The following LDLRAD4 variants were observed in gnomAD, a reference collection of about 807,000 sequenced individuals.
LDLRAD4 encodes the protein low density lipoprotein receptor class A domain containing 4.
A neutral mutation model predicts 17.0 loss-of-function variants in LDLRAD4; 5 were observed. The observed-to-expected ratio is 0.29, with a 90% CI of 0.15 to 0.62. LDLRAD4 has a LOEUF of 0.62. LDLRAD4 is among the 20% of genes least tolerant of loss of function. The probability of loss-of-function intolerance (pLI) is 0.84; values close to 1 mark genes in which losing one functional copy is unlikely to be tolerated. For synonymous variants in LDLRAD4, 168 were observed against 171.8 expected (o/e 0.98, Z 0.17); for missense variants, 340 against 424.7 (o/e 0.80, Z 1.75).
At chr18:13,381,371 G>C (rs1252478981) in intron 1 of LDLRAD4, among the ~76,000 whole-genome samples, 1 of 152,150 alleles carries the variant, frequency 6.6e-6, no homozygotes, top group Admixed American at 6.5e-5. Context: ...CCCGCCCACT[G>C]TATCCTTTTT....
At chr18:13,592,195 A>G (rs1272292287) in intron 3 of LDLRAD4, among the ~76,000 whole-genome samples, 2 of 152,234 alleles carry the variant, frequency 1.3e-5, no homozygotes, top group Non-Finnish European at 2.9e-5. Context: ...ATAGCTGGTT[A>G]CTTTTTCAAC....
intron 3 of LDLRAD4, among the ~76,000 whole-genome samples, chr18:13,446,332 G>T (rs1312695199): frequency 6.6e-6 from 1 of 152,166 alleles, no homozygotes; most frequent in South Asian, 2.1e-4. Context: ...TATTTTTCCA[G>T]TAAGATAGGG....
chr18:13,431,507 C>G (rs1343390819), intron 2 of LDLRAD4, among the ~76,000 whole-genome samples: 1 of 152,148 alleles, frequency 6.6e-6, no homozygotes, highest in Non-Finnish European at 1.5e-5. Context: ...GTGATTTGTT[C>G]AAGCTGCTCT....
At chr18:13,403,312 G>A (rs1163315124) in intron 2 of LDLRAD4, among the ~76,000 whole-genome samples, 4 of 152,178 alleles carry the variant, frequency 2.6e-5, no homozygotes, top group Non-Finnish European at 5.9e-5. Context: ...CTGTTCTTTT[G>A]TGGTGAATAA....
intron 1 of LDLRAD4, among the ~76,000 whole-genome samples, chr18:13,369,730 A>G (rs1239941136): frequency 6.6e-6 from 1 of 152,194 alleles, no homozygotes; most frequent in Non-Finnish European, 1.5e-5. Context: ...CTGAGTAAAT[A>G]TTGAGAGTGA....
chr18:13,588,085 A>G (rs981867668), intron 3 of LDLRAD4, among the ~76,000 whole-genome samples: 7 of 147,366 alleles, frequency 4.8e-5, no homozygotes, highest in African/African-American at 8.0e-5. Context: ...TCATATCGGG[A>G]AAAAAAAACC....
At chr18:13,222,758 C>G (rs559631796) in intron 1 of LDLRAD4, among the ~76,000 whole-genome samples, 1 of 152,218 alleles carries the variant, frequency 6.6e-6, no homozygotes, top group Non-Finnish European at 1.5e-5. Flanking sequence ...TAGGCTGCTC[C>G]GCCTCCTCCC....
chr18:13,437,282 G>A (rs568906355), intron 2 of LDLRAD4, among the ~76,000 whole-genome samples: 7 of 152,212 alleles, frequency 4.6e-5, no homozygotes, highest in African/African-American at 1.2e-4. Context: ...CTGTCTTCCC[G>A]CTGTGTACTG....
chr18:13,334,345 T>C (rs1840266), intron 1 of LDLRAD4, among the ~76,000 whole-genome samples: 146,033 of 152,244 alleles, frequency 0.96, 70,309 homozygotes, highest in Non-Finnish European at 1. Context: ...TCAAGAGATT[T>C]TCCTGCCTTA....
intron 3 of LDLRAD4, among the ~76,000 whole-genome samples, chr18:13,507,425 T>C (rs2093712300): frequency 6.6e-6 from 1 of 152,194 alleles, no homozygotes; most frequent in Non-Finnish European, 1.5e-5. Context: ...GATACTTAGT[T>C]TTTCATTCCT....
At chr18:13,634,375 C>T (rs750923963) in intron 4 of LDLRAD4, among the ~76,000 whole-genome samples, 3 of 152,094 alleles carry the variant, frequency 2.0e-5, no homozygotes, top group Non-Finnish European at 2.9e-5. Flanking sequence ...GCAAAGTTAG[C>T]AGGATACAGA....
intron 1 of LDLRAD4, among the ~76,000 whole-genome samples, chr18:13,290,968 C>T (rs1229712747): frequency 6.6e-6 from 1 of 152,202 alleles, no homozygotes; most frequent in Non-Finnish European, 1.5e-5. Flanking sequence ...CCCAGTCAGC[C>T]CTTCTTTTGT....
At chr18:13,344,087 T>C (rs2082538392) in intron 1 of LDLRAD4, among the ~76,000 whole-genome samples, 1 of 152,228 alleles carries the variant, frequency 6.6e-6, no homozygotes, top group African/African-American at 2.4e-5. Flanking sequence ...TTTAGTTTAA[T>C]TAGATCCCAT....
In LDLRAD4 at chr18:13,230,589, G is replaced by A. The variant is rs912617780; in HGVS notation, c.-467+11601G>A. On this transcript the variant is annotated intron_variant, in intron 1 of 5. Coordinates refer to the LDLRAD4 transcript ENST00000399848. ...TAGGAGTATATGCTTCAGAAAATTG[G>A]GGGCCCACAGGCGGGCAGTGGGAAC... Among the ~76,000 whole-genome samples, 3 of 151,754 alleles carry A rather than the reference G, an allele frequency of 2.0e-5. No homozygotes were observed. In the South Asian group the frequency reaches 6.3e-4, roughly 32 times the overall value.
chr18:13,650,113 C>T (rs2043182473), exon 6 of LDLRAD4: 1 of 398,718 alleles, frequency 2.5e-6, no homozygotes. Context: ...TGTGAACAGA[C>T]AATGGAAAGC....
At chr18:13,445,622 C>CGTGT (rs202132115) in intron 3 of LDLRAD4, among the ~76,000 whole-genome samples, 4 of 147,956 alleles carry the variant, frequency 2.7e-5, no homozygotes, top group African/African-American at 1.0e-4. Context: ...AGTGTGTGTG[C>CGTGT]GTGTGTGTGT....
chr18:13,235,324 A>G (rs1489555832), intron 1 of LDLRAD4, among the ~76,000 whole-genome samples: 1 of 152,184 alleles, frequency 6.6e-6, no homozygotes, highest in Non-Finnish European at 1.5e-5. Flanking sequence ...TCTTTAGACG[A>G]GATGTCTCTA....
intron 3 of LDLRAD4, among the ~76,000 whole-genome samples, chr18:13,590,319 T>C (rs1317971613): frequency 7.6e-6 from 1 of 131,094 alleles, no homozygotes; most frequent in East Asian, 2.4e-4. Flanking sequence ...CGTGTGTTGG[T>C]ATGTGTATGT....
At chr18:13,304,344 T>C (rs2046786086) in intron 1 of LDLRAD4, among the ~76,000 whole-genome samples, 2 of 152,184 alleles carry the variant, frequency 1.3e-5, no homozygotes, top group Admixed American at 6.5e-5. Flanking sequence ...TCAAAGAAGA[T>C]TTCCTGAGCT....
Sources: gnomAD v4.1 joint callset for allele counts (sites outside exome capture counted in the v4.1 genomes callset) on GRCh38, gnomAD v4.1.1 for gene constraint, MANE v1.5 for transcripts, NCBI Gene and HGNC (gene_info 2026-07-23, HGNC 2026-07-21) for gene names.